POP1: variants seen among roughly 807,000 people sequenced by gnomAD.
POP1 encodes the protein ribonucleases P/MRP protein subunit POP1.
POP1 carries 75 observed loss-of-function variants against 102.2 expected under a neutral mutation model. That is an observed-to-expected ratio of 0.73 (90% CI 0.61 to 0.89). POP1 has a LOEUF of 0.89. Among genes scored for constraint, POP1 ranks in the 40% least tolerant of loss-of-function variants. The pLI is 0.00. For missense variants in POP1, 1,116 were observed against 1,267.4 expected (o/e 0.88, Z 1.81); for synonymous variants, 436 against 464.1 (o/e 0.94, Z 0.78).
chr8:98,136,601 C>T lies in POP1; in HGVS notation c.1131C>T (p.Asp377=), dbSNP rs1321156963. The T allele has an allele frequency of 9.3e-6, 15 of 1,613,634 alleles. No individual in the cohort carries two copies. The highest frequency in any genetic ancestry group is 3.3e-5 in the South Asian group (3 of 91,072). Residue 377 remains aspartate, a synonymous_variant, in exon 8 of 16, where the codon GAC becomes GAT. Transcript: ENST00000401707. ...AAAAAAGCCAAACTGAATTGCCTGA[C>T]GAGAAAATTGGCAAGAAAAGAAAAA... The part of the protein sequence containing the change: ...SQEKSQTELP[D]EKIGKKRKRK...
In POP1 at chr8:98,159,633, A is replaced by G. The variant is rs920093271; in HGVS notation, c.*1362A>G. ...TTTTTACTGTAGCATTTGGCACTAA[A>G]TGGCTTTGGGGGTGATGAGGTGGGG... On this transcript the variant is annotated 3_prime_UTR_variant, in exon 16 of 16. Transcript: ENST00000401707. 1.3e-5 allele frequency: 2 copies of G among 152,090 alleles called. No individual in the cohort carries two copies. Among genetic ancestry groups the G allele is most frequent in the East Asian group, 3.8e-4 (2 of 5,196 alleles). The allele number at this position is 152,090 out of a possible 1,614,324, so 9.4% of individuals were successfully genotyped here.
At chr8:98,121,756 C>T (rs1816031515) in intron 1 of POP1, among the ~76,000 whole-genome samples, 1 of 151,442 alleles carries the variant, frequency 6.6e-6, no homozygotes, top group Admixed American at 6.6e-5. Flanking sequence ...GATCTGGGCT[C>T]ACTGTAAGCT....
At chr8:98,146,801 T>C in intron 12 of POP1, 118 bp downstream of exon 12, 1 of 796,872 alleles carries the variant, frequency 1.3e-6, no homozygotes, top group Non-Finnish European at 2.1e-6. Context: ...TCTTTTGTTT[T>C]CAAACAAGTT....
intron 1 of POP1, among the ~76,000 whole-genome samples, 161 bp from the exon 2 acceptor site, chr8:98,123,175 T>C (rs1207570576): frequency 2.0e-5 from 3 of 152,242 alleles, no homozygotes; most frequent in African/African-American, 7.2e-5. Context: ...AACAGTTGTA[T>C]ATGATTTAAT....
intron 1 of POP1, among the ~76,000 whole-genome samples, chr8:98,119,933 C>A (rs1347324810): frequency 6.6e-6 from 1 of 152,154 alleles, no homozygotes; most frequent in Non-Finnish European, 1.5e-5. Context: ...TATTCATTCC[C>A]TTCTGCTGTT....
At chr8:98,148,029 C>G (rs1809400974) in intron 12 of POP1, among the ~76,000 whole-genome samples, 1 of 152,108 alleles carries the variant, frequency 6.6e-6, no homozygotes, top group Admixed American at 6.6e-5. Context: ...GTGATGAGTT[C>G]AATCTTGAGC....
At chr8:98,140,633 G>T (rs1197207239) in intron 10 of POP1, 136 bp from the exon 11 acceptor site, 1 of 849,104 alleles carries the variant, frequency 1.2e-6, no homozygotes, top group Non-Finnish European at 1.9e-6. Flanking sequence ...TCAATGGGAA[G>T]AGAGGGAATA....
intron 6 of POP1, 77 bp from the exon 7 acceptor site, chr8:98,134,395 T>G (rs997761880): frequency 1.9e-5 from 28 of 1,443,596 alleles, no homozygotes; most frequent in Non-Finnish European, 2.5e-5. Context: ...AGACAGTAAA[T>G]GACAGTGTGG....
rs57047356 is a variant in POP1, at chr8:98,118,137, G to C, written c.-3+747G>C. Among the ~76,000 whole-genome samples, 950 of 152,202 alleles carry C rather than the reference G, an allele frequency of 6.2e-3. 10 individuals are homozygous for C. Among genetic ancestry groups the C allele is most frequent in the African/African-American group, 0.022 (908 of 41,522 alleles). ...TCATTTTGTCCTACATACTGCTAAGGTTTTGGCCTTCCTACTTCCGGCTCA... is the reference window on the plus strand; with the variant it reads ...TCATTTTGTCCTACATACTGCTAAGCTTTTGGCCTTCCTACTTCCGGCTCA... On this transcript the variant is annotated intron_variant, in intron 1 of 15. Coordinates refer to ENST00000401707, the MANE Select transcript of POP1 (RefSeq NM_001145860.2).
At chr8:98,123,638 G>A (rs1816102479) in intron 2 of POP1, among the ~76,000 whole-genome samples, 159 bp downstream of exon 2, 1 of 152,130 alleles carries the variant, frequency 6.6e-6, no homozygotes, top group South Asian at 2.1e-4. Flanking sequence ...TTAACTGGGT[G>A]TGGTGGCGCG....
intron 9 of POP1, among the ~76,000 whole-genome samples, chr8:98,139,418 G>T (rs1816643207): frequency 6.6e-6 from 1 of 152,168 alleles, no homozygotes; most frequent in Admixed American, 6.5e-5. Flanking sequence ...TGGAGATGAT[G>T]AAGTTAGCTC....
chr8:98,138,151 T>C (rs773418306), intron 9 of POP1, among the ~76,000 whole-genome samples: 6 of 152,228 alleles, frequency 3.9e-5, no homozygotes, highest in Non-Finnish European at 7.3e-5. Context: ...TTTCAGCCCA[T>C]TCTCCACACA....
At chr8:98,153,951 A>G (rs187420457) in intron 14 of POP1, among the ~76,000 whole-genome samples, 1 of 152,286 alleles carries the variant, frequency 6.6e-6, no homozygotes, top group Non-Finnish European at 1.5e-5. Context: ...ACATCTGAAC[A>G]TGGATTTATT....
chr8:98,117,784 G>A (rs1675729110), intron 1 of POP1: 1 of 152,462 alleles, frequency 6.6e-6, no homozygotes, highest in Non-Finnish European at 1.5e-5. Context: ...GGCTTTACAA[G>A]GTCACTGTCT....
intron 4 of POP1, among the ~76,000 whole-genome samples, chr8:98,129,417 G>A (rs545197433): frequency 1.3e-5 from 2 of 152,268 alleles, no homozygotes; most frequent in South Asian, 4.1e-4. Flanking sequence ...TGCTGGTGGT[G>A]GGGTTTGAGT....
At chr8:98,133,397 CTG>C (rs773935782) in intron 5 of POP1, among the ~76,000 whole-genome samples, 2 of 152,104 alleles carry the variant, frequency 1.3e-5, no homozygotes, top group East Asian at 3.9e-4. Context: ...ATGGTCAAGA[CTG>C]AGTATGGGAG....
intron 11 of POP1, among the ~76,000 whole-genome samples, chr8:98,144,777 C>T (rs1816799842): frequency 6.6e-6 from 1 of 152,198 alleles, no homozygotes. Context: ...TACCCCTAGA[C>T]AGGCCATGTG....
At chr8:98,132,830 G>A (rs1004223219) in intron 5 of POP1, among the ~76,000 whole-genome samples, 5 of 150,924 alleles carry the variant, frequency 3.3e-5, no homozygotes, top group African/African-American at 1.2e-4. Context: ...AGCATTTTGG[G>A]AGGCTGAGGC....
At position 98,156,275 on chromosome 8, in the gene POP1, A is replaced by G. The variant is rs1037645999; in HGVS notation, c.2283A>G (p.Thr761=). The G allele has an allele frequency of 2.5e-6, 4 of 1,614,066 alleles. No individual in the cohort carries two copies. In the African/African-American group the frequency reaches 5.3e-5, roughly 22 times the overall value. ...KTHQPSDEVG[T]SIEHPREAEE... Reference sequence around the variant, plus strand: ...ATCAGCCATCTGATGAAGTGGGCACATCCATAGAGCACCCCAGGGAGGCAG... The same window carrying G: ...ATCAGCCATCTGATGAAGTGGGCACGTCCATAGAGCACCCCAGGGAGGCAG... Residue 761 remains threonine, a synonymous_variant, in exon 15 of 16, where the codon ACA becomes ACG. Transcript: ENST00000401707.
Sources: allele counts gnomAD v4.1 joint callset (sites outside exome capture counted in the v4.1 genomes callset), GRCh38; gene constraint gnomAD v4.1.1; transcripts MANE v1.5; gene names NCBI Gene and HGNC (gene_info 2026-07-23, HGNC 2026-07-21).